The following ITLN2 variants were observed in gnomAD, a reference collection of about 807,000 sequenced individuals.
ITLN2 encodes the protein intelectin 2, also known as intelectin-2.
In ITLN2, 29 loss-of-function variants were observed where a neutral mutation model predicts 39.4. That is an observed-to-expected ratio of 0.74 (90% confidence interval 0.55 to 1.00). The LOEUF is 1.00. ITLN2 is among the 50% of genes least tolerant of loss of function. The pLI is 0.00. For synonymous variants in ITLN2, 156 were observed against 153.4 expected, an observed-to-expected ratio of 1.02 and a Z score of -0.12; for missense variants, 412 against 416.7, an observed-to-expected ratio of 0.99 and a Z score of 0.10.
At chr1:160,947,675 A>C (rs1347466357) in intron 7 of ITLN2, among the ~76,000 whole-genome samples, 2 of 152,212 alleles carry the variant, frequency 1.3e-5, no homozygotes, top group African/African-American at 4.8e-5. Context: ...ACTGCCTGCA[A>C]ACATATTGTT....
chr1:160,950,155 C>A lies in ITLN2; in HGVS notation c.612G>T (p.Val204=). ...TCCAACATTTCCCTGATCTGTATTT[C>A]ACTGGGTATTTCTGCAGAGACCCAG... is the stretch of plus-strand genomic sequence containing the variant. ...NLFGIYQKYP[V]KYRSGKCWND... is the part of the protein sequence containing the mutation. The change falls in exon 6 of 8, where the codon GTG becomes GTT. Residue 204 remains valine (V), a synonymous_variant. Transcript: ENST00000368029. 6.2e-7 allele frequency: 1 copy of A among 1,613,950 alleles called. No individual in the cohort carries two copies. The highest frequency in any genetic ancestry group is 8.5e-7 in the Non-Finnish European group (1 of 1,179,828).
In ITLN2 at chr1:160,951,341, T is replaced by C. The variant is rs776760666; in HGVS notation, c.194-51A>G. On this transcript the variant is annotated intron_variant, in intron 3 of 7. Coordinates refer to ENST00000368029, the MANE Select transcript of ITLN2 (RefSeq NM_080878.3). ...TCCCTGTCTGAGAGCTCAGGGTTCATCTCAGCTCCGTGAATAGAAAAGCCC... is the reference window on the plus strand; with the variant it reads ...TCCCTGTCTGAGAGCTCAGGGTTCACCTCAGCTCCGTGAATAGAAAAGCCC... 6 of 1,524,594 alleles carry C rather than the reference T, an allele frequency of 3.9e-6. No homozygotes were observed. The South Asian group carries it at 6.6e-5, about 17-fold the overall frequency. 94.4% of individuals were successfully genotyped at this position (1,524,594 alleles called of 1,614,324 possible).
chr1:160,946,130 C>A (rs1203550018), intron 7 of ITLN2, among the ~76,000 whole-genome samples: 1 of 151,244 alleles, frequency 6.6e-6, no homozygotes, highest in African/African-American at 2.4e-5. Context: ...CCCATCTCTA[C>A]TAAACCCATC....
chr1:160,953,990 C>G (rs995365467), intron 2 of ITLN2, among the ~76,000 whole-genome samples: 1 of 152,046 alleles, frequency 6.6e-6, no homozygotes, highest in Non-Finnish European at 1.5e-5. Flanking sequence ...TCACAATATC[C>G]TCCTCTGCGA....
At chr1:160,946,121 C>A (rs1488816332) in intron 7 of ITLN2, among the ~76,000 whole-genome samples, 2 of 151,130 alleles carry the variant, frequency 1.3e-5, no homozygotes, top group Non-Finnish European at 2.9e-5. Flanking sequence ...ATGGAGAAAC[C>A]CATCTCTACT....
Position 160,945,289 on chromosome 1 carries a change from A to G in ITLN2, c.829T>C (p.Cys277Arg). 6.4e-7 allele frequency: 1 copy of G among 1,552,868 alleles called. No individual in the cohort carries two copies. The change falls in exon 8 of 8, where the codon TGC (cysteine) becomes CGC (arginine). Residue 277 changes from cysteine to arginine, a missense_variant. Coordinates refer to ENST00000368029, the MANE Select transcript of ITLN2 (RefSeq NM_080878.3). Reference protein sequence around the residue: ...KVTGCNTEHHCIGGGGFFPQG... With the variant: ...KVTGCNTEHHRIGGGGFFPQG... ...GGGAAGAACCCTCCTCCACCGATGC[A>G]GTGCTGGGAAACAGAAAGAAGAAAC...
intron 4 of ITLN2, 151 bp from the exon 5 acceptor site, chr1:160,950,862 C>A (rs1259787265): frequency 1.4e-6 from 2 of 1,457,408 alleles, no homozygotes; most frequent in Non-Finnish European, 1.9e-6. Context: ...CTGATGATCC[C>A]ACCACCACCC....
At chr1:160,949,945 T>G in intron 6 of ITLN2, 101 bp downstream of exon 6, 1 of 1,045,268 alleles carries the variant, frequency 9.6e-7, no homozygotes, top group Non-Finnish European at 1.4e-6. Context: ...GCATTTTAAG[T>G]GCTCAGTAAA....
rs1671771719 is a variant in ITLN2, at chr1:160,952,653, T to C, written c.160A>G (p.Lys54Glu). The change falls in exon 3 of 8, where the codon AAA becomes GAA. Residue 54 changes from lysine to glutamate, a missense_variant. Physicochemically the swap from Lys to Glu is moderately conservative, Grantham distance 56. Coordinates refer to ENST00000368029, the MANE Select transcript of ITLN2 (RefSeq NM_080878.3). Reference sequence around the variant, plus strand: ...CTATGGCAGCGTTCCTTGATTTCTTTGCAGCTTCTAGGCAGGGAAGAAAAG... The same window carrying C: ...CTATGGCAGCGTTCCTTGATTTCTTCGCAGCTTCTAGGCAGGGAAGAAAAG... ...FSFSSLPRSC[K>E]EIKERCHSAG... is the part of the protein sequence containing the mutation. The C allele has an allele frequency of 6.2e-7, 1 of 1,614,134 alleles. No individual in the cohort carries two copies. Among genetic ancestry groups the C allele is most frequent in the East Asian group, 2.2e-5 (1 of 44,888 alleles).
At position 160,950,186 on chromosome 1, in the gene ITLN2, A is replaced by C. The variant is rs771042216; in HGVS notation, c.601-20T>G. 1 of 1,613,312 alleles carries C rather than the reference A, an allele frequency of 6.2e-7. No individual in the cohort carries two copies. Among genetic ancestry groups the C allele is most frequent in the Admixed American group, 1.7e-5 (1 of 59,972 alleles). On this transcript the variant is annotated intron_variant, in intron 5 of 7. Coordinates refer to ENST00000368029, the MANE Select transcript of ITLN2 (RefSeq NM_080878.3). ...GTATTTCTGCAGAGACCCAGAAGAA[A>C]GGTTTTGTGAGGACAGTAGAGATGC...
rs1161048240 is a variant in ITLN2 at position 160,951,100 on chromosome 1, G to C, written c.384C>G (p.Asn128Lys). ...ATCCAAAGGTGTTGTAGTTGGCCCA[G>C]TTGCCATCCCCCTCTGGGTAGTCTG... The part of the protein sequence containing the change: ...NKADYPEGDG[N>K]WANYNTFGSA... Residue 128 changes from asparagine to lysine, a missense_variant, in exon 4 of 8, where the codon AAC becomes AAG. Physicochemically the swap from Asn to Lys is moderately conservative, Grantham distance 94. Transcript: ENST00000368029. 1 of 1,614,170 alleles carries C rather than the reference G, an allele frequency of 6.2e-7. No homozygotes were observed.
intron 7 of ITLN2, 53 bp downstream of exon 7, chr1:160,947,876 G>C: frequency 8.4e-7 from 1 of 1,189,276 alleles, no homozygotes; most frequent in Non-Finnish European, 1.3e-6. Context: ...GTAACAATCT[G>C]ATCTCTCTTT....
At chr1:160,952,754 T>C in intron 2 of ITLN2, 21 bp from the exon 3 acceptor site, 2 of 1,547,712 alleles carry the variant, frequency 1.3e-6, no homozygotes, top group Non-Finnish European at 1.8e-6. Context: ...TGAGAATGAG[T>C]CTCATTAGAA....
chr1:160,948,310 G>A (rs1008219626), intron 6 of ITLN2, among the ~76,000 whole-genome samples: 2 of 152,160 alleles, frequency 1.3e-5, no homozygotes, highest in Non-Finnish European at 2.9e-5. Context: ...GGAGAAACTA[G>A]ACTCTACAAA....
chr1:160,952,151 C>G (rs1037302471), intron 3 of ITLN2, among the ~76,000 whole-genome samples: 1 of 152,186 alleles, frequency 6.6e-6, no homozygotes, highest in African/African-American at 2.4e-5. Context: ...GTAATAAACT[C>G]TCTGGCTCTA....
At position 160,952,620 on chromosome 1, in the gene ITLN2, C is replaced by G; in HGVS notation, c.193G>C (p.Asp65His). Residue 65 changes from aspartate to histidine, a missense_variant and splice_region_variant, in exon 3 of 8, where the codon GAT (aspartate) becomes CAT (histidine). Asp to His is a moderately conservative substitution (Grantham distance 81). Coordinates refer to ENST00000368029, the MANE Select transcript of ITLN2 (RefSeq NM_080878.3). Reference protein sequence around the residue: ...EIKERCHSAGDGLYFLRTKNG... With the variant: ...EIKERCHSAGHGLYFLRTKNG... ...AATGCTGAGTTGGTTCATTACTCAC[C>G]ACCTGCACTATGGCAGCGTTCCTTG... is the stretch of plus-strand genomic sequence containing the variant. 6.2e-7 allele frequency: 1 copy of G among 1,607,654 alleles called. No individual in the cohort carries two copies. Among genetic ancestry groups the G allele is most frequent in the Non-Finnish European group, 8.5e-7 (1 of 1,174,090 alleles).
In ITLN2 at chr1:160,945,283, C is replaced by T. The variant is rs749561519; in HGVS notation, c.835G>A (p.Gly279Ser). 2.2e-5 allele frequency: 35 copies of T among 1,562,388 alleles called. No individual in the cohort carries two copies. Among genetic ancestry groups the T allele is most frequent in the East Asian group, 1.4e-4 (6 of 42,360 alleles). ...TGCNTEHHCI[G>S]GGGFFPQGKP... ...CCCTGTGGGAAGAACCCTCCTCCAC[C>T]GATGCAGTGCTGGGAAACAGAAAGA... Residue 279 changes from glycine to serine, a missense_variant, in exon 8 of 8, where the codon GGT becomes AGT. Gly to Ser is a moderately conservative substitution (Grantham distance 56, BLOSUM62 0). Coordinates refer to ENST00000368029, the MANE Select transcript of ITLN2 (RefSeq NM_080878.3).
intron 7 of ITLN2, among the ~76,000 whole-genome samples, chr1:160,947,402 G>A (rs1215639988): frequency 6.6e-6 from 1 of 152,216 alleles, no homozygotes; most frequent in Non-Finnish European, 1.5e-5. Context: ...ATGAGCAGGA[G>A]ACAGAAGCCT....
intron 3 of ITLN2, among the ~76,000 whole-genome samples, chr1:160,952,118 TC>T (rs1345921537): frequency 6.6e-6 from 1 of 152,192 alleles, no homozygotes; most frequent in Non-Finnish European, 1.5e-5. Flanking sequence ...CTTTTGCCGA[TC>T]TTGAACTTGC....
Sources: gnomAD v4.1 joint callset for allele counts (sites outside exome capture counted in the v4.1 genomes callset) on GRCh38, gnomAD v4.1.1 for gene constraint, MANE v1.5 for transcripts, NCBI Gene and HGNC (gene_info 2026-07-23, HGNC 2026-07-21) for gene names.